The following ABCC2 variants were observed in gnomAD, a reference collection of about 807,000 sequenced individuals.
ABCC2 encodes the protein ATP-binding cassette sub-family C member 2.
A neutral mutation model predicts 173.4 loss-of-function variants in ABCC2; 157 were observed. The observed-to-expected ratio is 0.91, with a 90% CI of 0.80 to 1.03. ABCC2 has a LOEUF of 1.03. Among genes scored for constraint, ABCC2 ranks in the 50% least tolerant of loss-of-function variants. ABCC2 has a pLI of 0.00. For synonymous variants in ABCC2, 657 were observed against 693.5 expected (o/e 0.95, Z 0.83); for missense variants, 1,822 against 1,852.3 (o/e 0.98, Z 0.30).
intron 24 of ABCC2, among the ~76,000 whole-genome samples, chr10:99,835,451 T>C (rs2038805452): frequency 6.6e-6 from 1 of 152,038 alleles, no homozygotes; most frequent in Non-Finnish European, 1.5e-5. Flanking sequence ...TCACAGAATC[T>C]AGTAGCAGCA....
intron 12 of ABCC2, 83 bp from the exon 13 acceptor site, chr10:99,808,000 T>G: frequency 1.3e-6 from 2 of 1,536,114 alleles, no homozygotes; most frequent in South Asian, 1.1e-5. Flanking sequence ...CCTTCAACTC[T>G]GATATATGGT....
At chr10:99,846,551 A>C (rs1481032051) in intron 29 of ABCC2, among the ~76,000 whole-genome samples, 1 of 152,202 alleles carries the variant, frequency 6.6e-6, no homozygotes, top group East Asian at 1.9e-4. Context: ...CAGCCTAGGC[A>C]ACATGGCAAG....
chr10:99,838,128 A>C (rs2038857618), intron 25 of ABCC2, among the ~76,000 whole-genome samples: 2 of 79,080 alleles, frequency 2.5e-5, no homozygotes, highest in Admixed American at 1.1e-4. Context: ...TCCCTCCCGG[A>C]CGGGGCGGCT....
intron 26 of ABCC2, among the ~76,000 whole-genome samples, chr10:99,842,508 A>G (rs1183715973): frequency 6.6e-6 from 1 of 152,178 alleles, no homozygotes; most frequent in Non-Finnish European, 1.5e-5. Context: ...TAATTCTAAT[A>G]AAGAACATAG....
intron 10 of ABCC2, among the ~76,000 whole-genome samples, chr10:99,804,952 A>G (rs554472010): frequency 1.3e-5 from 2 of 152,332 alleles, no homozygotes; most frequent in South Asian, 2.1e-4. Context: ...TCAGATCATG[A>G]TAAGTATTAT....
At position 99,847,274 on chromosome 10, in the gene ABCC2, C is replaced by G. The variant is rs79183306; in HGVS notation, c.4313+147C>G. 7,274 of 1,010,960 alleles carry G rather than the reference C, an allele frequency of 7.2e-3. 357 individuals carry two copies. In the African/African-American group the frequency reaches 0.1, roughly 14 times the overall value. 62.6% of individuals were successfully genotyped at this position (1,010,960 alleles called of 1,614,324 possible). ...TGTAAAATGAACCTGTTGTAAAGTT[C>G]ACAAGATAAAATAGATGTGAAAGTG... On this transcript the variant is annotated intron_variant, in intron 30 of 31. Coordinates refer to ENST00000647814, the MANE Select transcript of ABCC2 (RefSeq NM_000392.5).
In ABCC2 at chr10:99,843,869, G is replaced by A. The variant is rs767290900; in HGVS notation, c.3812G>A (p.Arg1271Gln). Residue 1271 changes from arginine to glutamine, a missense_variant, in exon 27 of 32, where the codon CGA (arginine) becomes CAA (glutamine). Arg to Gln is a conservative substitution (Grantham distance 43). Transcript: ENST00000647814. ...EIETNIVAVERITEYTKVENE... is the reference protein window; with the variant it reads ...EIETNIVAVEQITEYTKVENE... ...GAGACCAACATTGTGGCTGTTGAGC[G>A]AATAACTGAGTACACAAAAGTGGAA... 1.2e-5 allele frequency: 19 copies of A among 1,614,026 alleles called. No homozygotes were observed. In the East Asian group the frequency reaches 1.6e-4, roughly 13 times the overall value.
At chr10:99,811,706 G>C in intron 15 of ABCC2, 104 bp downstream of exon 15, 3 of 1,316,132 alleles carry the variant, frequency 2.3e-6, no homozygotes. Context: ...TGAGCTATGT[G>C]CATGTCTTCG....
chr10:99,843,682 T>G (rs1178273035), intron 26 of ABCC2, 117 bp from the exon 27 acceptor site: 3 of 870,406 alleles, frequency 3.4e-6, no homozygotes, highest in Non-Finnish European at 6.0e-6. Context: ...CCTTACTCCC[T>G]TGTAGAGTCC....
intron 16 of ABCC2, among the ~76,000 whole-genome samples, chr10:99,816,789 T>A (rs2038424615): frequency 6.6e-6 from 1 of 152,132 alleles, no homozygotes; most frequent in South Asian, 2.1e-4. Flanking sequence ...CCATGAACCC[T>A]ATTGTGAACT....
chr10:99,848,470 G>C (rs751300517), intron 30 of ABCC2, among the ~76,000 whole-genome samples: 68 of 152,182 alleles, frequency 4.5e-4, no homozygotes, highest in Admixed American at 9.2e-4. Flanking sequence ...GGGCCTCAGT[G>C]GTGGTAGGCA....
intron 1 of ABCC2, 80 bp downstream of exon 1, chr10:99,782,957 C>T (rs1336749819): frequency 1.1e-5 from 16 of 1,412,870 alleles, no homozygotes; most frequent in African/African-American, 1.4e-5. Context: ...GGGTGGTCAC[C>T]AACAAGAACC....
chr10:99,785,672 C>T (rs535825027), intron 2 of ABCC2, among the ~76,000 whole-genome samples: 5 of 152,066 alleles, frequency 3.3e-5, no homozygotes, highest in Non-Finnish European at 7.4e-5. Flanking sequence ...GAGCACGCCA[C>T]CATGTCCAGC....
At chr10:99,827,146 G>A (rs1331159937) in intron 19 of ABCC2, among the ~76,000 whole-genome samples, 2 of 152,194 alleles carry the variant, frequency 1.3e-5, no homozygotes, top group African/African-American at 2.4e-5. Flanking sequence ...TGACTTTCTG[G>A]GGGTGGCCGA....
chr10:99,830,740 G>A lies in ABCC2; in HGVS notation c.2772G>A (p.Leu924=). ...SRSSRSNGRH[L]KSLRNSLKTR... ...GTTCTAGGTCCAATGGCAGGCATCT[G>A]AAGTCCCTGAGAAACTCCTTGAAAA... Residue 924 remains leucine, a synonymous_variant, in exon 21 of 32, where the codon CTG becomes CTA. Transcript: ENST00000647814. The A allele has an allele frequency of 1.2e-6, 2 of 1,614,120 alleles. No individual in the cohort carries two copies. The highest frequency in any genetic ancestry group is 1.7e-6 in the Non-Finnish European group (2 of 1,180,018).
Position 99,832,038 on chromosome 10 carries a change from C to T in ABCC2, c.3165C>T (p.Ile1055=), listed in dbSNP as rs759639083. The change falls in exon 23 of 32, where the codon ATC becomes ATT. Residue 1055 remains isoleucine (I), a synonymous_variant. Transcript: ENST00000647814. ...SAFGFVHASN[I]LHKQLLNNIL... ...TTGGTTTCGTCCATGCATCAAATAT[C>T]TTGCACAAGCAACTGCTGAACAATA... The T allele has an allele frequency of 3.7e-6, 6 of 1,614,228 alleles. No homozygotes were observed.
At position 99,807,416 on chromosome 10, in the gene ABCC2, C is replaced by T. The variant is rs1429063039; in HGVS notation, c.1563C>T (p.Phe521=). The T allele has an allele frequency of 1.2e-6, 2 of 1,614,052 alleles. No homozygotes were observed. The highest frequency in any genetic ancestry group is 1.1e-5 in the South Asian group (1 of 91,080). The change falls in exon 12 of 32, where the codon TTC becomes TTT. Residue 521 remains phenylalanine, a synonymous_variant. Coordinates refer to ENST00000647814, the MANE Select transcript of ABCC2 (RefSeq NM_000392.5). ...ILKYFAWEPS[F]RDQVQNLRKK... The stretch of plus-strand genomic sequence containing the variant: ...AATATTTTGCCTGGGAACCTTCATT[C>T]AGAGACCAAGTACAAAACCTCCGGA...
In ABCC2 at chr10:99,843,795, G is replaced by A. The variant is rs1187947261; in HGVS notation, c.3742-4G>A. The A allele has an allele frequency of 1.9e-6, 3 of 1,613,294 alleles. No individual in the cohort carries two copies. Among genetic ancestry groups the A allele is most frequent in the Non-Finnish European group, 2.5e-6 (3 of 1,179,256 alleles). ...TGATTTTCAGTCTTCTGGTTTTTCT[G>A]TAGATCACACAAACCCTGAACTGGC... On this transcript the variant is annotated splice_polypyrimidine_tract_variant and splice_region_variant and intron_variant, in intron 26 of 31. Transcript: ENST00000647814.
Position 99,808,182 on chromosome 10 carries a change from C to T in ABCC2, c.1768C>T (p.Arg590Cys), listed in dbSNP as rs747449108. Residue 590 changes from arginine (R) to cysteine (C), a missense_variant, in exon 13 of 32, where the codon CGC becomes TGC. Arg to Cys is a radical substitution (Grantham distance 180). Transcript: ENST00000647814. ...FTSITLFNIL[R>C]FPLSMLPMMI... Reference sequence around the variant, plus strand: ...CTCCATTACCCTCTTCAATATCCTGCGCTTTCCCCTGAGCATGCTTCCCAT... The same window carrying T: ...CTCCATTACCCTCTTCAATATCCTGTGCTTTCCCCTGAGCATGCTTCCCAT... 7.4e-6 allele frequency: 12 copies of T among 1,613,994 alleles called. No individual in the cohort carries two copies. The highest frequency in any genetic ancestry group is 1.6e-4 in the Middle Eastern group (1 of 6,084).
Sources: gnomAD v4.1 joint callset for allele counts (sites outside exome capture counted in the v4.1 genomes callset) on GRCh38, gnomAD v4.1.1 for gene constraint, MANE v1.5 for transcripts, NCBI Gene and HGNC (gene_info 2026-07-23, HGNC 2026-07-21) for gene names.